NPAS3: variants seen among roughly 807,000 people sequenced by gnomAD.
NPAS3 encodes the protein neuronal PAS domain protein 3.
A neutral mutation model predicts 73.1 loss-of-function variants in NPAS3; 14 were observed. The ratio of observed to expected loss-of-function variants is 0.19; its 90% CI spans 0.13 to 0.30. The LOEUF is 0.30. Ranked by LOEUF, NPAS3 falls within the 10% of genes least tolerant of loss-of-function variation. The pLI, the probability that NPAS3 is intolerant of heterozygous loss-of-function variation, is 1.00. For synonymous variants in NPAS3, 620 were observed against 541.5 expected (o/e 1.14, Z -2.01); for missense variants, 1,096 against 1,250.0 (o/e 0.88, Z 1.86).
chr14:33,578,577 G>T (rs967045184), intron 5 of NPAS3, among the ~76,000 whole-genome samples: 1 of 152,116 alleles, frequency 6.6e-6, no homozygotes, highest in African/African-American at 2.4e-5. Flanking sequence ...GCCATCAAAG[G>T]CCTGGCTTAT....
intron 6 of NPAS3, among the ~76,000 whole-genome samples, chr14:33,720,058 A>T (rs2061063984): frequency 6.6e-6 from 1 of 152,230 alleles, no homozygotes; most frequent in South Asian, 2.1e-4. Context: ...CAAAGAAGAT[A>T]GTCATTACAA....
intron 2 of NPAS3, among the ~76,000 whole-genome samples, chr14:33,130,065 A>G (rs1197025181): frequency 6.6e-6 from 1 of 152,176 alleles, no homozygotes; most frequent in Admixed American, 6.6e-5. Context: ...TTTGCTAAGC[A>G]GTCTGTATGT....
At chr14:33,704,225 G>A (rs1406267914) in intron 6 of NPAS3, among the ~76,000 whole-genome samples, 1 of 152,168 alleles carries the variant, frequency 6.6e-6, no homozygotes, top group African/African-American at 2.4e-5. Context: ...TGGCTAATAT[G>A]AGTTATGAAA....
At chr14:33,193,183 A>G (rs1594354588) in intron 2 of NPAS3, among the ~76,000 whole-genome samples, 2 of 137,070 alleles carry the variant, frequency 1.5e-5, no homozygotes, top group Admixed American at 1.5e-4. Context: ...TTCTTTACCC[A>G]TTTGAAGTGT....
chr14:32,991,529 T>C (rs190974169), intron 1 of NPAS3, among the ~76,000 whole-genome samples: 1 of 152,270 alleles, frequency 6.6e-6, no homozygotes, highest in East Asian at 1.9e-4. Context: ...AGATAAAATG[T>C]AGGTAGAATT....
chr14:33,462,353 G>A (rs1404354079), intron 4 of NPAS3, among the ~76,000 whole-genome samples: 1 of 152,148 alleles, frequency 6.6e-6, no homozygotes, highest in Non-Finnish European at 1.5e-5. Flanking sequence ...CTGGGCACAA[G>A]GATAATTGAA....
rs71118544 is a variant in NPAS3 at position 33,446,166 on chromosome 14, C to CTTTTTTTTTT, written c.468+78909_468+78918dup. On this transcript the variant is annotated intron_variant, in intron 4 of 11. Transcript: ENST00000356141. Reference sequence around the variant, plus strand: ...CTTCTCTAGGGACACTTCATGCTTTCTTTTTTTTTTTTTTTTTTTTGAGAC... The same window carrying CTTTTTTTTTT: ...CTTCTCTAGGGACACTTCATGCTTTCTTTTTTTTTTTTTTTTTTTTTTTTTTTTTTGAGAC... Among the ~76,000 whole-genome samples the CTTTTTTTTTT allele has an allele frequency of 1.9e-3, 225 of 119,910 alleles. 8 individuals are homozygous for CTTTTTTTTTT. The highest frequency in any genetic ancestry group is 6.7e-3 in the African/African-American group (210 of 31,404). The allele number at this position is 119,910 out of a possible 152,430, so 78.7% of individuals were successfully genotyped here.
intron 1 of NPAS3, among the ~76,000 whole-genome samples, chr14:32,943,696 T>TG (rs1159747040): frequency 6.8e-6 from 1 of 146,658 alleles, no homozygotes; most frequent in South Asian, 2.1e-4. Context: ...TCTTTTTCTT[T>TG]TTTTTTTTTT....
intron 4 of NPAS3, among the ~76,000 whole-genome samples, chr14:33,540,407 G>A (rs938061470): frequency 6.6e-6 from 1 of 152,108 alleles, no homozygotes. Context: ...ATTGCCTTGT[G>A]CAGCCACCCC....
chr14:33,594,598 A>C (rs1595234001), intron 5 of NPAS3, among the ~76,000 whole-genome samples: 2 of 151,970 alleles, frequency 1.3e-5, no homozygotes, highest in African/African-American at 2.4e-5. Flanking sequence ...CCAGTTCCAG[A>C]CCTCTGCCTG....
chr14:33,470,864 G>A (rs1182990618), intron 4 of NPAS3, among the ~76,000 whole-genome samples: 1 of 151,274 alleles, frequency 6.6e-6, no homozygotes. Flanking sequence ...CTGAGCATCC[G>A]GCCTGAGAAC....
chr14:33,607,618 T>TAATAATATTATATTTTAATAATA (rs1291543227), intron 5 of NPAS3, among the ~76,000 whole-genome samples: 1 of 152,210 alleles, frequency 6.6e-6, no homozygotes, highest in Non-Finnish European at 1.5e-5. Flanking sequence ...TGCATTAATA[T>TAATAATATTATATTTTAATAATA]GTCAAAACCT....
At chr14:33,109,186 G>A (rs1183914257) in intron 2 of NPAS3, among the ~76,000 whole-genome samples, 1 of 152,104 alleles carries the variant, frequency 6.6e-6, no homozygotes, top group African/African-American at 2.4e-5. Context: ...CACAGAAGGG[G>A]TACTTTCTAA....
intron 1 of NPAS3, among the ~76,000 whole-genome samples, chr14:32,976,911 T>G (rs1274473530): frequency 6.6e-6 from 1 of 152,184 alleles, no homozygotes; most frequent in Admixed American, 6.5e-5. Context: ...TAACGGTGAC[T>G]CAGTGGCCCA....
At chr14:33,260,954 T>C (rs2048954321) in intron 3 of NPAS3, among the ~76,000 whole-genome samples, 2 of 152,214 alleles carry the variant, frequency 1.3e-5, no homozygotes, top group Non-Finnish European at 2.9e-5. Flanking sequence ...TGAAATCCCC[T>C]ACTCATTTTT....
intron 6 of NPAS3, among the ~76,000 whole-genome samples, chr14:33,692,939 A>G (rs2060274873): frequency 6.6e-6 from 1 of 151,552 alleles, no homozygotes; most frequent in South Asian, 2.1e-4. Context: ...AACTTGTAGC[A>G]AAGTGAATTC....
chr14:33,440,091 G>C (rs1376394198), intron 4 of NPAS3, among the ~76,000 whole-genome samples: 1 of 150,730 alleles, frequency 6.6e-6, no homozygotes, highest in Non-Finnish European at 1.5e-5. Context: ...ACTCCAGCCT[G>C]GGCAACAGAG....
chr14:33,108,933 C>T (rs17100147), intron 2 of NPAS3, among the ~76,000 whole-genome samples: 12,682 of 152,098 alleles, frequency 0.083, 788 homozygotes, highest in East Asian at 0.18. Flanking sequence ...TTTATGTGAT[C>T]GCATCTAACA....
chr14:33,459,089 C>T lies in NPAS3; in HGVS notation c.468+91821C>T, dbSNP rs150469685. ...TAGACCATATAGGGTAACTTCCTGA[C>T]GTTGCCATGGCATTTGTAACCTGTC... On this transcript the variant is annotated intron_variant, in intron 4 of 11. Coordinates refer to ENST00000356141, the Ensembl canonical transcript of NPAS3. Among the ~76,000 whole-genome samples the T allele has an allele frequency of 2.2e-4, 33 of 152,308 alleles. No individual in the cohort carries two copies. In the East Asian group the frequency reaches 3.9e-3, roughly 18 times the overall value.
Sources: allele counts gnomAD v4.1 joint callset (sites outside exome capture counted in the v4.1 genomes callset), GRCh38; gene constraint gnomAD v4.1.1; transcripts MANE v1.5; gene names NCBI Gene and HGNC (gene_info 2026-07-23, HGNC 2026-07-21).